The following DAB1 variants were observed in gnomAD, a reference collection of about 807,000 sequenced individuals.
DAB1 encodes disabled homolog 1.
A neutral mutation model predicts 64.6 loss-of-function variants in DAB1; 15 were observed. The ratio of observed to expected loss-of-function variants is 0.23; its 90% CI spans 0.16 to 0.36. The LOEUF is 0.36. Ranked by LOEUF, DAB1 falls within the 10% of genes least tolerant of loss-of-function variation. The pLI, the probability that DAB1 is intolerant of heterozygous loss-of-function variation, is 1.00. For missense variants in DAB1, 596 were observed against 706.7 expected, an observed-to-expected ratio of 0.84 and a Z score of 1.78; for synonymous variants, 235 against 251.9, an observed-to-expected ratio of 0.93 and a Z score of 0.64.
chr1:57,015,486 G>A (rs1646400901), intron 11 of DAB1, 55 bp from the exon 12 acceptor site: 1 of 1,485,026 alleles, frequency 6.7e-7, no homozygotes, highest in South Asian at 1.3e-5. Flanking sequence ...GGGAAAGAAG[G>A]ATGCATGGAC....
chr1:58,350,297 G>C (rs879973418), intron 3 of DAB1, among the ~76,000 whole-genome samples: 2 of 152,076 alleles, frequency 1.3e-5, no homozygotes, highest in African/African-American at 4.8e-5. Flanking sequence ...ACTTTTTGAT[G>C]GGGTTGTTTG....
chr1:57,509,511 CCTT>C (rs1644384206), intron 7 of DAB1, among the ~76,000 whole-genome samples: 2 of 152,148 alleles, frequency 1.3e-5, no homozygotes, highest in African/African-American at 4.8e-5. Context: ...ACCACTCACA[CCTT>C]CTTCATTTTC....
chr1:57,923,425 C>T (rs1415791875), intron 5 of DAB1, among the ~76,000 whole-genome samples: 1 of 152,188 alleles, frequency 6.6e-6, no homozygotes, highest in African/African-American at 2.4e-5. Context: ...ATGTCAGTGT[C>T]TATGACCTGG....
At chr1:58,076,642 T>C (rs193131046) in intron 5 of DAB1, among the ~76,000 whole-genome samples, 8 of 152,326 alleles carry the variant, frequency 5.3e-5, no homozygotes, top group Non-Finnish European at 1.0e-4. Flanking sequence ...ATGGCTCAGA[T>C]CCAAGTCTTC....
chr1:58,357,763 C>A (rs1201050221), intron 3 of DAB1, among the ~76,000 whole-genome samples: 2 of 151,966 alleles, frequency 1.3e-5, no homozygotes, highest in Admixed American at 1.3e-4. Flanking sequence ...GTGTAGAGAC[C>A]TCATTTTTCC....
intron 1 of DAB1, among the ~76,000 whole-genome samples, chr1:57,357,890 C>T (rs907218620): frequency 4.0e-5 from 6 of 151,892 alleles, no homozygotes; most frequent in Admixed American, 3.3e-4. Context: ...GATCCCTCCC[C>T]GAACACATGG....
At chr1:57,652,668 T>C (rs1646270692) in intron 6 of DAB1, among the ~76,000 whole-genome samples, 1 of 152,224 alleles carries the variant, frequency 6.6e-6, no homozygotes, top group Non-Finnish European at 1.5e-5. Flanking sequence ...AATTCTTCTC[T>C]CATTTTTTCT....
At chr1:57,076,206 T>C (rs1366659158) in intron 4 of DAB1, among the ~76,000 whole-genome samples, 2 of 152,138 alleles carry the variant, frequency 1.3e-5, no homozygotes, top group Non-Finnish European at 2.9e-5. Context: ...CCTGGGGCCT[T>C]GCAGGTAGTT....
chr1:57,923,224 T>C (rs1474325670), intron 5 of DAB1, among the ~76,000 whole-genome samples: 1 of 152,108 alleles, frequency 6.6e-6, no homozygotes. Context: ...TTCCTGCCGA[T>C]ATCAAATAGA....
At chr1:57,148,747 G>A (rs559844434) in intron 2 of DAB1, among the ~76,000 whole-genome samples, 1 of 152,176 alleles carries the variant, frequency 6.6e-6, no homozygotes, top group Non-Finnish European at 1.5e-5. Context: ...CTTCACATTT[G>A]CTCTTGAGTT....
At chr1:58,175,341 A>G (rs571166860) in intron 4 of DAB1, among the ~76,000 whole-genome samples, 1 of 152,282 alleles carries the variant, frequency 6.6e-6, no homozygotes, top group African/African-American at 2.4e-5. Context: ...GAAACTCTGG[A>G]CACATCTGAA....
chr1:58,300,573 AAAGAAAGAAAGAAAGAAAG>A (rs1662103692), intron 4 of DAB1, among the ~76,000 whole-genome samples: 2 of 15,456 alleles, frequency 1.3e-4, no homozygotes, highest in Admixed American at 1.6e-3. Context: ...AGAAAGAAAG[AAAGAAAGAAAGAAAGAAAG>A]AAAGAAAGAA....
intron 5 of DAB1, among the ~76,000 whole-genome samples, chr1:57,923,432 CT>C (rs1324484191): frequency 6.6e-6 from 1 of 152,168 alleles, no homozygotes; most frequent in Non-Finnish European, 1.5e-5. Flanking sequence ...TGTCTATGAC[CT>C]GGGGATATCA....
intron 5 of DAB1, among the ~76,000 whole-genome samples, chr1:57,992,221 T>C (rs1391467762): frequency 6.6e-6 from 1 of 152,224 alleles, no homozygotes; most frequent in Non-Finnish European, 1.5e-5. Context: ...GACAGCATTG[T>C]AGCTACCTTG....
chr1:58,325,137 C>T (rs1414157985), intron 4 of DAB1, among the ~76,000 whole-genome samples: 1 of 152,150 alleles, frequency 6.6e-6, no homozygotes. Context: ...ACAACTGAAT[C>T]CTGGGGCCCA....
At chr1:57,941,204 G>C (rs1645099171) in intron 5 of DAB1, among the ~76,000 whole-genome samples, 1 of 152,138 alleles carries the variant, frequency 6.6e-6, no homozygotes, top group African/African-American at 2.4e-5. Context: ...CGCAGATTTG[G>C]GTCTCACAGC....
In DAB1 at chr1:57,213,253, A is replaced by G. The variant is rs539884086; in HGVS notation, c.68-67824T>C. Among the ~76,000 whole-genome samples, 70 of 152,358 alleles carry G rather than the reference A, an allele frequency of 4.6e-4. 1 individual carries two copies. Among genetic ancestry groups the G allele is most frequent in the South Asian group, 1.7e-3 (8 of 4,830 alleles). On this transcript the variant is annotated intron_variant, in intron 2 of 14. Coordinates refer to ENST00000371236, the MANE Select transcript of DAB1 (RefSeq NM_001365792.1). Reference sequence around the variant, plus strand: ...AACCTATCTTAACTATTATCATTTCAACATACAACCAATATAAACAATTAC... The same window carrying G: ...AACCTATCTTAACTATTATCATTTCGACATACAACCAATATAAACAATTAC...
At chr1:58,539,182 C>T (rs1471601695) in intron 1 of DAB1, 1 of 872,846 alleles carries the variant, frequency 1.1e-6, no homozygotes, top group African/African-American at 1.6e-5. Flanking sequence ...TACTTGATGA[C>T]AGCCCCGTGA....
chr1:57,096,625 T>C (rs1201421087), intron 4 of DAB1, among the ~76,000 whole-genome samples: 1 of 152,178 alleles, frequency 6.6e-6, no homozygotes, highest in African/African-American at 2.4e-5. Flanking sequence ...CTCAGGTGCC[T>C]TGCCTGACCA....
Sources: allele counts gnomAD v4.1 joint callset (sites outside exome capture counted in the v4.1 genomes callset), GRCh38; gene constraint gnomAD v4.1.1; transcripts MANE v1.5; gene names NCBI Gene and HGNC (gene_info 2026-07-23, HGNC 2026-07-21).